ZCWPW2: variants seen among roughly 807,000 people sequenced by gnomAD.
ZCWPW2 encodes zinc finger CW-type and PWWP domain containing 2.
In ZCWPW2, 45 loss-of-function variants were observed where a neutral mutation model predicts 46.6. The ratio of observed to expected loss-of-function variants is 0.96; its 90% CI spans 0.76 to 1.24. ZCWPW2 has a LOEUF of 1.24. Ranked by LOEUF, ZCWPW2 falls within the 50% of genes most tolerant of loss-of-function variation. ZCWPW2 has a pLI of 0.00. For synonymous variants in ZCWPW2, 152 were observed against 137.1 expected (o/e 1.11, Z -0.76); for missense variants, 429 against 403.9 (o/e 1.06, Z -0.53).
intron 6 of ZCWPW2, 32 bp downstream of exon 6, chr3:28,492,205 A>G: frequency 2.6e-6 from 4 of 1,553,330 alleles, no homozygotes; most frequent in Non-Finnish European, 3.5e-6. Flanking sequence ...TAAAATATAC[A>G]AACTTCAAAT....
chr3:28,447,404 G>T (rs923610026), intron 4 of ZCWPW2, among the ~76,000 whole-genome samples: 3 of 151,366 alleles, frequency 2.0e-5, no homozygotes, highest in African/African-American at 7.3e-5. Flanking sequence ...GAAAAAAAAT[G>T]ATCAGCTTAA....
chr3:28,362,418 G>A (rs1371003582), intron 1 of ZCWPW2, among the ~76,000 whole-genome samples: 8 of 152,014 alleles, frequency 5.3e-5, no homozygotes, highest in Non-Finnish European at 7.4e-5. Flanking sequence ...TGGGTAAAGG[G>A]CATGAACAGA....
At chr3:28,491,546 G>A (rs1426371465) in intron 5 of ZCWPW2, among the ~76,000 whole-genome samples, 1 of 152,008 alleles carries the variant, frequency 6.6e-6, no homozygotes, top group African/African-American at 2.4e-5. Flanking sequence ...GGCACTGTTG[G>A]CAGCTCAGTG....
intron 4 of ZCWPW2, among the ~76,000 whole-genome samples, chr3:28,463,449 T>TA (rs1269742953): frequency 6.6e-6 from 1 of 152,122 alleles, no homozygotes; most frequent in Non-Finnish European, 1.5e-5. Flanking sequence ...AATTTTAAAT[T>TA]AAAAAAATTA....
intron 4 of ZCWPW2, among the ~76,000 whole-genome samples, chr3:28,474,792 A>G (rs1042564008): frequency 2.8e-5 from 4 of 143,274 alleles, no homozygotes; most frequent in Non-Finnish European, 6.1e-5. Context: ...TCATGTCAGT[A>G]TGTCTGAACT....
intron 4 of ZCWPW2, among the ~76,000 whole-genome samples, chr3:28,450,804 G>A (rs1698197145): frequency 6.6e-6 from 1 of 152,158 alleles, no homozygotes; most frequent in Non-Finnish European, 1.5e-5. Context: ...TACCCATATT[G>A]TCTAGGGAAA....
intron 3 of ZCWPW2, among the ~76,000 whole-genome samples, chr3:28,420,073 AT>A (rs564766331): frequency 1.4e-5 from 2 of 141,042 alleles, no homozygotes; most frequent in South Asian, 4.3e-4. Context: ...CGAAAGTATA[AT>A]TAAAAAAAAA....
At chr3:28,448,720 G>A (rs545035925) in intron 4 of ZCWPW2, among the ~76,000 whole-genome samples, 1 of 140,436 alleles carries the variant, frequency 7.1e-6, no homozygotes, top group Non-Finnish European at 1.5e-5. Flanking sequence ...AGGAGGCAGA[G>A]GTTGCAGTGA....
At chr3:28,470,064 C>T (rs567038891) in intron 4 of ZCWPW2, among the ~76,000 whole-genome samples, 2 of 152,186 alleles carry the variant, frequency 1.3e-5, no homozygotes, top group East Asian at 1.9e-4. Context: ...AAAAATTGAA[C>T]GTATGTCAGG....
intron 4 of ZCWPW2, among the ~76,000 whole-genome samples, chr3:28,467,791 A>G (rs1291813941): frequency 6.6e-6 from 1 of 152,214 alleles, no homozygotes; most frequent in East Asian, 1.9e-4. Flanking sequence ...TAATGCAGAT[A>G]CAGCTTAGAT....
chr3:28,431,692 A>G (rs1697264579), intron 3 of ZCWPW2, among the ~76,000 whole-genome samples: 1 of 152,192 alleles, frequency 6.6e-6, no homozygotes, highest in South Asian at 2.1e-4. Context: ...TAATTTGCCA[A>G]AAACCAAAAA....
chr3:28,439,965 G>C (rs1575137192), intron 4 of ZCWPW2, among the ~76,000 whole-genome samples: 1 of 152,140 alleles, frequency 6.6e-6, no homozygotes, highest in Admixed American at 6.5e-5. Context: ...CCTTCAGCAA[G>C]CATCTTGGCA....
At chr3:28,349,315 G>A (rs1704435726) in intron 1 of ZCWPW2, 112 bp downstream of exon 1, 4 of 602,966 alleles carry the variant, frequency 6.6e-6, no homozygotes, top group Non-Finnish European at 8.3e-6. Flanking sequence ...GGGCCGTGTG[G>A]TGCGTGCTGG....
intron 6 of ZCWPW2, among the ~76,000 whole-genome samples, chr3:28,512,704 G>C (rs1297860655): frequency 1.3e-5 from 2 of 151,560 alleles, no homozygotes; most frequent in South Asian, 4.2e-4. Flanking sequence ...TCTTTCTTCA[G>C]TGTATCTAAT....
chr3:28,413,421 T>G, intron 3 of ZCWPW2, 21 bp downstream of exon 3: 1 of 1,569,302 alleles, frequency 6.4e-7, no homozygotes, highest in Non-Finnish European at 8.7e-7. Context: ...TGTAGTTTTA[T>G]GACTTTTGAA....
chr3:28,396,329 C>T lies in ZCWPW2; in HGVS notation c.-14+5712C>T, dbSNP rs7627434. On this transcript the variant is annotated intron_variant, in intron 2 of 9. Transcript: ENST00000383768. ...AATATTACAAAAATTTAATCCATAT[C>T]GTTAGAATTATTTTATTAATCACTT... 7.5e-3 allele frequency among the ~76,000 whole-genome samples: 1,134 copies of T among 152,150 alleles called. 16 individuals carry two copies. Among genetic ancestry groups the T allele is most frequent in the African/African-American group, 0.026 (1,070 of 41,504 alleles).
At chr3:28,384,421 C>G (rs1695199884) in intron 1 of ZCWPW2, among the ~76,000 whole-genome samples, 1 of 152,048 alleles carries the variant, frequency 6.6e-6, no homozygotes, top group South Asian at 2.1e-4. Flanking sequence ...TCCCTGCTTT[C>G]CTGAAGCTTT....
intron 3 of ZCWPW2, among the ~76,000 whole-genome samples, chr3:28,423,032 G>C (rs183744763): frequency 6.6e-6 from 1 of 151,798 alleles, no homozygotes; most frequent in Non-Finnish European, 1.5e-5. Context: ...GATATTTTGC[G>C]CATTTTAAAA....
At chr3:28,518,269 AAC>A (rs1700631257) in intron 8 of ZCWPW2, among the ~76,000 whole-genome samples, 1 of 151,102 alleles carries the variant, frequency 6.6e-6, no homozygotes, top group Non-Finnish European at 1.5e-5. Flanking sequence ...CTTCACTCTC[AAC>A]AATAAATTGA....
Sources: gnomAD v4.1 joint callset for allele counts (sites outside exome capture counted in the v4.1 genomes callset) on GRCh38, gnomAD v4.1.1 for gene constraint, MANE v1.5 for transcripts, NCBI Gene and HGNC (gene_info 2026-07-23, HGNC 2026-07-21) for gene names.